CD109: variants seen among roughly 807,000 people sequenced by gnomAD.
CD109 encodes CD109 antigen.
In CD109, 149 loss-of-function variants were observed where a neutral mutation model predicts 165.8. The ratio of observed to expected loss-of-function variants is 0.90; its 90% CI spans 0.79 to 1.03. The LOEUF (loss-of-function observed/expected upper bound fraction) is 1.03, where lower values mean the gene tolerates loss of function less well. Ranked by LOEUF, CD109 falls within the 50% of genes least tolerant of loss-of-function variation. The probability of loss-of-function intolerance (pLI) is 0.00; values close to 1 mark genes in which losing one functional copy is unlikely to be tolerated. For missense variants in CD109, 1,712 were observed against 1,677.8 expected (o/e 1.02, Z -0.36); for synonymous variants, 585 against 592.1 (o/e 0.99, Z 0.18).
At chr6:73,723,919 T>C (rs1022285922) in intron 3 of CD109, among the ~76,000 whole-genome samples, 14 of 152,146 alleles carry the variant, frequency 9.2e-5, no homozygotes, top group African/African-American at 2.7e-4. Context: ...ACAAGGCATC[T>C]GGGCTGGTTT....
intron 2 of CD109, among the ~76,000 whole-genome samples, chr6:73,712,428 A>G (rs1271131096): frequency 3.3e-5 from 5 of 152,258 alleles, no homozygotes; most frequent in Non-Finnish European, 7.3e-5. Context: ...ATAATTAAGC[A>G]GCAAACACTA....
chr6:73,729,491 G>GTTA (rs144709719), intron 3 of CD109, among the ~76,000 whole-genome samples: 18,078 of 141,902 alleles, frequency 0.13, 1,121 homozygotes, highest in Middle Eastern at 0.15. Context: ...GACTTCTATT[G>GTTA]TTATTATTAT....
At chr6:73,718,739 G>A (rs1014141420) in intron 2 of CD109, among the ~76,000 whole-genome samples, 20 of 151,970 alleles carry the variant, frequency 1.3e-4, no homozygotes, top group African/African-American at 4.1e-4. Flanking sequence ...TAAAATAAGG[G>A]TAATAATACT....
rs1776180069 is a variant in CD109, at chr6:73,823,654, T to TGTA, written c.*22_*24dup. ...TGTGATTTATTTTTAAAGGACTCTG[T>TGTA]GTAACACTAACATTTCCAGTAGTCA... On this transcript the variant is annotated 3_prime_UTR_variant, in exon 33 of 33. Coordinates refer to ENST00000287097, the MANE Select transcript of CD109 (RefSeq NM_133493.5). 3 of 1,579,952 alleles carry TGTA rather than the reference T, an allele frequency of 1.9e-6. No individual in the cohort carries two copies. The highest frequency in any genetic ancestry group is 2.6e-6 in the Non-Finnish European group (3 of 1,155,366).
intron 15 of CD109, among the ~76,000 whole-genome samples, chr6:73,773,105 G>A (rs1431037124): frequency 6.6e-6 from 1 of 150,634 alleles, no homozygotes; most frequent in Non-Finnish European, 1.5e-5. Context: ...TTGTGTGTGT[G>A]TACGTGTGTG....
intron 24 of CD109, among the ~76,000 whole-genome samples, chr6:73,806,141 A>G (rs1482551285): frequency 6.6e-6 from 1 of 152,246 alleles, no homozygotes; most frequent in East Asian, 1.9e-4. Flanking sequence ...GACTGGATTA[A>G]GAAAATGTGG....
intron 30 of CD109, among the ~76,000 whole-genome samples, chr6:73,816,266 C>G (rs1775933704): frequency 2.6e-5 from 4 of 152,160 alleles, no homozygotes; most frequent in Admixed American, 2.6e-4. Flanking sequence ...AAAAGTAGGA[C>G]TCCAATTATT....
In CD109 at chr6:73,825,930, A is replaced by G. The variant is rs1776260415; in HGVS notation, c.*2297A>G. On this transcript the variant is annotated 3_prime_UTR_variant, in exon 33 of 33. Coordinates refer to ENST00000287097, the MANE Select transcript of CD109 (RefSeq NM_133493.5). ...GAGACAGAGGTTGCAGTGAGCCGAG[A>G]TCACGCCACTGCACTCCAGCCTGGG... is the stretch of plus-strand genomic sequence containing the variant. 6.6e-6 allele frequency: 1 copy of G among 152,370 alleles called. No homozygotes were observed. 9.4% of individuals were successfully genotyped at this position (152,370 alleles called of 1,614,324 possible).
At position 73,803,250 on chromosome 6, in the gene CD109, A is replaced by T. The variant is rs1304696931; in HGVS notation, c.2909A>T (p.Glu970Val). ...GYQRELLYQR[E>V]DGSFSAFGNY... is the part of the protein sequence containing the mutation. Reference sequence around the variant, plus strand: ...CAGAGAGAACTTCTCTATCAGAGGGAAGATGGCTCTTTCAGTGCTTTTGGG... The same window carrying T: ...CAGAGAGAACTTCTCTATCAGAGGGTAGATGGCTCTTTCAGTGCTTTTGGG... The change falls in exon 24 of 33, where the codon GAA (glutamate) becomes GTA (valine). Residue 970 changes from glutamate to valine, a missense_variant. Glu to Val is a moderately radical substitution (Grantham distance 121). Transcript: ENST00000287097. The T allele has an allele frequency of 6.2e-7, 1 of 1,610,802 alleles. No homozygotes were observed. The highest frequency in any genetic ancestry group is 2.2e-5 in the East Asian group (1 of 44,768).
intron 22 of CD109, among the ~76,000 whole-genome samples, chr6:73,792,044 G>C (rs1364522604): frequency 1.3e-5 from 2 of 152,096 alleles, no homozygotes; most frequent in Non-Finnish European, 2.9e-5. Context: ...TGTGGGTAGA[G>C]GGTTTTTAAA....
In CD109 at chr6:73,717,707, C is replaced by T. The variant is rs535288573; in HGVS notation, c.248-5544C>T. On this transcript the variant is annotated intron_variant, in intron 2 of 32. Coordinates refer to ENST00000287097, the MANE Select transcript of CD109 (RefSeq NM_133493.5). ...CAATCTCGGCTCACTGCAAACTCCG[C>T]CTCCCGGGTTCAGGGCATTCTCCTA... 2.7e-5 allele frequency among the ~76,000 whole-genome samples: 4 copies of T among 149,738 alleles called. No homozygotes were observed. The South Asian group carries it at 6.5e-4, about 24-fold the overall frequency.
chr6:73,803,000 G>C (rs978059928), intron 23 of CD109, among the ~76,000 whole-genome samples: 15 of 152,000 alleles, frequency 9.9e-5, no homozygotes, highest in African/African-American at 3.6e-4. Context: ...GCACCCGGCT[G>C]GGATATCACA....
At position 73,810,099 on chromosome 6, in the gene CD109, G is replaced by C. The variant is rs757115573; in HGVS notation, c.3471G>C (p.Gln1157His). Residue 1157 changes from glutamine (Q) to histidine (H), a missense_variant, in exon 27 of 33, where the codon CAG (glutamine) becomes CAC (histidine). By Grantham distance (24) the Gln-to-His change is conservative. Transcript: ENST00000287097. Reference protein sequence around the residue: ...YALLSHFLQFQTSEGIPIMRW... With the variant: ...YALLSHFLQFHTSEGIPIMRW... ...TGCTCTCACACTTCTTACAATTTCA[G>C]ACTTCTGAGGGAATCCCAATTATGA... The C allele has an allele frequency of 6.2e-7, 1 of 1,609,732 alleles. No homozygotes were observed. The highest frequency in any genetic ancestry group is 8.5e-7 in the Non-Finnish European group (1 of 1,178,724).
At chr6:73,746,151 T>A (rs979320090) in intron 5 of CD109, among the ~76,000 whole-genome samples, 1 of 152,254 alleles carries the variant, frequency 6.6e-6, no homozygotes, top group Non-Finnish European at 1.5e-5. Context: ...TATCTTATGT[T>A]ATTATAGTAC....
At chr6:73,814,133 A>G (rs1237942972) in intron 29 of CD109, among the ~76,000 whole-genome samples, 2 of 152,138 alleles carry the variant, frequency 1.3e-5, no homozygotes, top group South Asian at 2.1e-4. Flanking sequence ...CAAATCCATG[A>G]GGGGTATTAG....
chr6:73,783,867 A>G, intron 19 of CD109, 43 bp downstream of exon 19: 1 of 1,086,544 alleles, frequency 9.2e-7, no homozygotes, highest in Non-Finnish European at 1.4e-6. Flanking sequence ...CGGTGACATT[A>G]AGCTAATACA....
intron 14 of CD109, among the ~76,000 whole-genome samples, chr6:73,769,895 C>T (rs1773976515): frequency 6.6e-6 from 1 of 152,132 alleles, no homozygotes. Context: ...AAAAAAATTG[C>T]ACTGGACAAG....
chr6:73,823,262 C>A (rs557360056), intron 32 of CD109, among the ~76,000 whole-genome samples, 196 bp from the exon 33 acceptor site: 69 of 152,284 alleles, frequency 4.5e-4, no homozygotes, highest in African/African-American at 1.5e-3. Flanking sequence ...TTGGACTGAG[C>A]GCATTGTTTC....
At chr6:73,723,856 A>G (rs916365097) in intron 3 of CD109, among the ~76,000 whole-genome samples, 1 of 152,134 alleles carries the variant, frequency 6.6e-6, no homozygotes, top group Non-Finnish European at 1.5e-5. Flanking sequence ...AAGTTTACCT[A>G]TGTAACAAAC....
Sources: gnomAD v4.1 joint callset for allele counts (sites outside exome capture counted in the v4.1 genomes callset) on GRCh38, gnomAD v4.1.1 for gene constraint, MANE v1.5 for transcripts, NCBI Gene and HGNC (gene_info 2026-07-23, HGNC 2026-07-21) for gene names.